Variants in ANKRD44 observed in about 807,000 individuals in gnomAD.
The protein encoded by ANKRD44 is serine/threonine-protein phosphatase 6 regulatory ankyrin repeat subunit B.
ANKRD44 carries 35 observed loss-of-function variants against 116.0 expected under a neutral mutation model. The ratio of observed to expected loss-of-function variants is 0.30; its 90% CI spans 0.23 to 0.40. ANKRD44 has a LOEUF of 0.40. ANKRD44 is among the 10% of genes least tolerant of loss of function. The pLI, the probability that ANKRD44 is intolerant of heterozygous loss-of-function variation, is 1.00. For missense variants in ANKRD44, 1,014 were observed against 1,242.6 expected (o/e 0.82, Z 2.77); for synonymous variants, 435 against 461.8 (o/e 0.94, Z 0.74).
At chr2:197,064,397 C>T (rs941364955) in intron 16 of ANKRD44, among the ~76,000 whole-genome samples, 5 of 152,258 alleles carry the variant, frequency 3.3e-5, no homozygotes, top group South Asian at 4.1e-4. Flanking sequence ...CATCGACTAA[C>T]GAGCAAAATA....
chr2:197,077,930 T>C (rs961568056), intron 16 of ANKRD44: 2 of 152,228 alleles, frequency 1.3e-5, no homozygotes, highest in African/African-American at 4.8e-5. Context: ...GAAACCTTCT[T>C]ATGGACAGGA....
intron 16 of ANKRD44, among the ~76,000 whole-genome samples, chr2:197,054,277 A>G (rs2077163738): frequency 6.6e-6 from 1 of 152,224 alleles, no homozygotes; most frequent in Non-Finnish European, 1.5e-5. Context: ...ACCTAAATTT[A>G]TGATCAACAA....
At chr2:197,309,165 C>T (rs1189107400) in intron 1 of ANKRD44, among the ~76,000 whole-genome samples, 1 of 152,130 alleles carries the variant, frequency 6.6e-6, no homozygotes, top group Non-Finnish European at 1.5e-5. Flanking sequence ...AGATGACAGG[C>T]CCAAGACACG....
chr2:197,091,650 C>T (rs577950399), intron 10 of ANKRD44, among the ~76,000 whole-genome samples: 6 of 152,196 alleles, frequency 3.9e-5, no homozygotes, highest in East Asian at 1.9e-4. Context: ...TGAGCCACCA[C>T]GCTCAGTCCT....
intron 10 of ANKRD44, among the ~76,000 whole-genome samples, chr2:197,098,776 A>G (rs972527665): frequency 1.3e-5 from 2 of 152,170 alleles, no homozygotes; most frequent in African/African-American, 2.4e-5. Context: ...TCCTCATAAC[A>G]AACCTACAGA....
chr2:197,156,294 G>A (rs1219268516), intron 2 of ANKRD44, among the ~76,000 whole-genome samples: 1 of 151,920 alleles, frequency 6.6e-6, no homozygotes, highest in Non-Finnish European at 1.5e-5. Context: ...TGCAGCGAGT[G>A]GAGATTGCAC....
intron 2 of ANKRD44, among the ~76,000 whole-genome samples, chr2:197,172,660 G>A (rs2080268352): frequency 6.6e-6 from 1 of 152,086 alleles, no homozygotes; most frequent in Admixed American, 6.5e-5. Context: ...CATCTCCCAA[G>A]GTCAAGCAAT....
intron 8 of ANKRD44, among the ~76,000 whole-genome samples, chr2:197,112,312 T>C (rs1292179024): frequency 1.3e-5 from 2 of 152,192 alleles, no homozygotes; most frequent in Non-Finnish European, 2.9e-5. Flanking sequence ...AAAATGACTG[T>C]TTTAAAAACT....
chr2:196,987,154 C>T lies in ANKRD44; in HGVS notation c.*2437G>A, dbSNP rs1043392323. 1.1e-5 allele frequency: 11 copies of T among 985,118 alleles called. No individual in the cohort carries two copies. Among genetic ancestry groups the T allele is most frequent in the African/African-American group, 1.7e-5 (1 of 57,228 alleles). The allele number at this position is 985,118 out of a possible 1,614,324, so 61.0% of individuals were successfully genotyped here. On this transcript the variant is annotated 3_prime_UTR_variant, in exon 28 of 28. Coordinates refer to ENST00000282272, the MANE Select transcript of ANKRD44 (RefSeq NM_001195144.2). ...CTCAGATTGTCACTATCTTAAAATGCTTTTCCCCTATAATACTGACCTATG... is the reference window on the plus strand; with the variant it reads ...CTCAGATTGTCACTATCTTAAAATGTTTTTCCCCTATAATACTGACCTATG...
At position 197,212,686 on chromosome 2, in the gene ANKRD44, TA is replaced by T. The variant is rs1377289263; in HGVS notation, c.28-25581del. Among the ~76,000 whole-genome samples the T allele has an allele frequency of 1.3e-5, 2 of 152,178 alleles. No individual in the cohort carries two copies. The highest frequency in any genetic ancestry group is 4.8e-5 in the African/African-American group (2 of 41,434). On this transcript the variant is annotated intron_variant, in intron 1 of 27. Transcript: ENST00000282272. This position sits in a 1 kb window ranked among gnomAD's most constrained non-coding sequence, Gnocchi z 4.8. ...TCTCACAGAAGAACTTCTACATGAG[TA>T]AAAATTCTGCATCACAGCAACTGCA...
intron 6 of ANKRD44, 152 bp downstream of exon 6, chr2:197,125,229 G>C (rs1476064786): frequency 4.5e-6 from 3 of 669,538 alleles, no homozygotes; most frequent in Non-Finnish European, 5.3e-6. Flanking sequence ...AGTGCACTAT[G>C]CATGCCAGTA....
At chr2:197,241,641 C>G (rs903811388) in intron 1 of ANKRD44, among the ~76,000 whole-genome samples, 12 of 152,110 alleles carry the variant, frequency 7.9e-5, no homozygotes, top group Middle Eastern at 3.4e-3. Context: ...ACATTTGAAT[C>G]TATATTAACA....
chr2:196,998,308 GTAA>G, intron 25 of ANKRD44, 26 bp downstream of exon 25: 1 of 1,473,846 alleles, frequency 6.8e-7, no homozygotes, highest in East Asian at 2.3e-5. Flanking sequence ...ATAACGTGAA[GTAA>G]TAATATTTTA....
intron 4 of ANKRD44, among the ~76,000 whole-genome samples, chr2:197,132,480 G>C (rs962446065): frequency 1.1e-4 from 16 of 152,160 alleles, no homozygotes; most frequent in Admixed American, 1.0e-3. Context: ...ACTTAGCAAT[G>C]CACCTTATTT....
At chr2:196,973,554 T>C (rs2075730617) in intron 21 of ANKRD44, among the ~76,000 whole-genome samples, 1 of 152,170 alleles carries the variant, frequency 6.6e-6, no homozygotes. Flanking sequence ...TCAAAGGATA[T>C]TCAGTGAAAA....
intron 17 of ANKRD44, among the ~76,000 whole-genome samples, chr2:197,023,661 A>G (rs1021196452): frequency 1.3e-5 from 2 of 152,178 alleles, no homozygotes; most frequent in African/African-American, 4.8e-5. Flanking sequence ...ATGCAGTCAA[A>G]CCCACTTTCT....
chr2:197,100,874 C>A (rs2078276767), intron 9 of ANKRD44, among the ~76,000 whole-genome samples: 1 of 151,954 alleles, frequency 6.6e-6, no homozygotes, highest in Non-Finnish European at 1.5e-5. Flanking sequence ...CACTAAATTT[C>A]TTTTTTTCTC....
intron 1 of ANKRD44, among the ~76,000 whole-genome samples, chr2:197,287,287 A>G (rs2083434333): frequency 6.6e-6 from 1 of 152,146 alleles, no homozygotes; most frequent in Admixed American, 6.5e-5. Context: ...TACCTTCTAG[A>G]TGTTCTAAAT....
chr2:197,023,748 G>A lies in ANKRD44; in HGVS notation c.1722+1448C>T, dbSNP rs776075348. 2.0e-5 allele frequency among the ~76,000 whole-genome samples: 3 copies of A among 152,186 alleles called. No individual in the cohort carries two copies. In the East Asian group the frequency reaches 5.8e-4, roughly 29 times the overall value. On this transcript the variant is annotated intron_variant, in intron 17 of 27. Coordinates refer to ENST00000282272, the MANE Select transcript of ANKRD44 (RefSeq NM_001195144.2). ...GGCAGTTAGTGCTATGTTTGTGAGTGCTCAGCTTTGGGGTAACTTCCCCAG... is the reference window on the plus strand; with the variant it reads ...GGCAGTTAGTGCTATGTTTGTGAGTACTCAGCTTTGGGGTAACTTCCCCAG...
Sources: gnomAD v4.1 joint callset for allele counts (sites outside exome capture counted in the v4.1 genomes callset) on GRCh38, gnomAD v4.1.1 for gene constraint, Gnocchi (gnomAD v3.1) non-coding constraint, MANE v1.5 for transcripts, NCBI Gene and HGNC (gene_info 2026-07-23, HGNC 2026-07-21) for gene names.